Variants in CCDC3 observed in about 807,000 individuals in gnomAD.
The protein encoded by CCDC3 is coiled-coil domain containing 3, also known as coiled-coil domain-containing protein 3.
CCDC3 carries 24 observed loss-of-function variants against 21.4 expected under a neutral mutation model. The observed-to-expected ratio is 1.12, with a 90% confidence interval of 0.81 to 1.58. The LOEUF is 1.58. Ranked by LOEUF, CCDC3 falls within the 40% of genes most tolerant of loss-of-function variation. The probability of loss-of-function intolerance (pLI) is 0.00; values close to 1 mark genes in which losing one functional copy is unlikely to be tolerated. For missense variants in CCDC3, 425 were observed against 360.9 expected, an observed-to-expected ratio of 1.18 and a Z score of -1.44; for synonymous variants, 186 against 166.0, an observed-to-expected ratio of 1.12 and a Z score of -0.93.
chr10:12,973,285 C>A (rs1471550076), intron 2 of CCDC3, among the ~76,000 whole-genome samples: 1 of 152,056 alleles, frequency 6.6e-6, no homozygotes, highest in Non-Finnish European at 1.5e-5. Context: ...GGCCCTGCAC[C>A]CAGCCACGTG....
intron 2 of CCDC3, among the ~76,000 whole-genome samples, chr10:12,935,450 G>T (rs1834721659): frequency 6.6e-6 from 1 of 152,162 alleles, no homozygotes; most frequent in Non-Finnish European, 1.5e-5. Flanking sequence ...AAATTTCAAA[G>T]TGACTATTGG....
intron 2 of CCDC3, among the ~76,000 whole-genome samples, chr10:12,988,750 C>T (rs1359849520): frequency 2.6e-5 from 4 of 152,172 alleles, no homozygotes; most frequent in South Asian, 4.1e-4. Flanking sequence ...CCCACTACCA[C>T]GTAGGTTCAA....
intron 4 of CCDC3, among the ~76,000 whole-genome samples, chr10:13,064,087 C>G (rs571631841): frequency 6.6e-6 from 1 of 152,212 alleles, no homozygotes; most frequent in African/African-American, 2.4e-5. Context: ...ACCACCATGC[C>G]CAGATAATTT....
At chr10:12,967,206 T>C (rs1260448276) in intron 2 of CCDC3, among the ~76,000 whole-genome samples, 2 of 152,204 alleles carry the variant, frequency 1.3e-5, no homozygotes, top group Admixed American at 6.5e-5. Flanking sequence ...CTTCCTATAG[T>C]GAAATGAACC....
chr10:13,086,855 G>C (rs1837118025), intron 3 of CCDC3, among the ~76,000 whole-genome samples: 1 of 152,212 alleles, frequency 6.6e-6, no homozygotes, highest in African/African-American at 2.4e-5. Flanking sequence ...CTGCCACCCA[G>C]AGGTGAGTAA....
chr10:12,994,865 G>A (rs909745031), intron 2 of CCDC3, among the ~76,000 whole-genome samples: 4 of 152,092 alleles, frequency 2.6e-5, no homozygotes, highest in Non-Finnish European at 5.9e-5. Flanking sequence ...TGGATCATCT[G>A]AGGTCAGGAG....
At chr10:12,985,064 TAG>T (rs1564309387) in intron 2 of CCDC3, among the ~76,000 whole-genome samples, 2 of 152,238 alleles carry the variant, frequency 1.3e-5, no homozygotes, top group African/African-American at 4.8e-5. Context: ...TTCATAGCTA[TAG>T]ATTTTTTTTA....
intron 5 of CCDC3, among the ~76,000 whole-genome samples, chr10:13,046,459 C>T (rs181171613): frequency 2.8e-4 from 43 of 151,538 alleles, no homozygotes; most frequent in African/African-American, 9.2e-4. Flanking sequence ...GTAATCCCAG[C>T]ACTTTGGGAG....
At chr10:12,901,733 T>C (rs1834095664) in intron 2 of CCDC3, among the ~76,000 whole-genome samples, 1 of 152,244 alleles carries the variant, frequency 6.6e-6, no homozygotes, top group South Asian at 2.1e-4. Context: ...GCCGTGATTA[T>C]AGGATAGAGT....
chr10:13,078,626 A>C lies in CCDC3; in HGVS notation c.-502-4526T>G, dbSNP rs548523065. ...GAACCAACCCAAATGTCCATCAATGATAGACTGGATTAAGAAAATGTGGCA... is the reference window on the plus strand; with the variant it reads ...GAACCAACCCAAATGTCCATCAATGCTAGACTGGATTAAGAAAATGTGGCA... On this transcript the variant is annotated intron_variant, in intron 3 of 6. Coordinates refer to the CCDC3 transcript ENST00000378839. 1.7e-4 allele frequency among the ~76,000 whole-genome samples: 26 copies of C among 152,312 alleles called. No homozygotes were observed. The East Asian group carries it at 4.8e-3, about 28-fold the overall frequency.
At chr10:13,047,030 G>A (rs1836538524) in intron 5 of CCDC3, among the ~76,000 whole-genome samples, 1 of 152,058 alleles carries the variant, frequency 6.6e-6, no homozygotes, top group African/African-American at 2.4e-5. Flanking sequence ...ATGCACCCTA[G>A]TAAGATGAGA....
At chr10:12,945,667 TTTTC>T (rs1262516281) in intron 2 of CCDC3, among the ~76,000 whole-genome samples, 13 of 152,212 alleles carry the variant, frequency 8.5e-5, no homozygotes, top group Non-Finnish European at 1.3e-4. Flanking sequence ...GGTAAAAGGT[TTTTC>T]TTTACCTTTT....
chr10:13,064,086 C>A (rs551877196), intron 4 of CCDC3, among the ~76,000 whole-genome samples: 15 of 152,236 alleles, frequency 9.9e-5, no homozygotes, highest in African/African-American at 3.4e-4. Context: ...CACCACCATG[C>A]CCAGATAATT....
At chr10:12,982,121 C>CAAAAAAAAAAA (rs71386135) in intron 2 of CCDC3, among the ~76,000 whole-genome samples, 2 of 33,230 alleles carry the variant, frequency 6.0e-5, no homozygotes, top group African/African-American at 2.7e-4. Context: ...GACTCTGTCT[C>CAAAAAAAAAAA]AAAAAAAAAA....
intron 2 of CCDC3, among the ~76,000 whole-genome samples, chr10:12,931,963 A>G (rs1834653431): frequency 6.6e-6 from 1 of 152,232 alleles, no homozygotes; most frequent in African/African-American, 2.4e-5. Flanking sequence ...GCAAAGCTGA[A>G]TGGAAAATGT....
chr10:12,990,056 T>C (rs1474331090), intron 2 of CCDC3, among the ~76,000 whole-genome samples: 2 of 151,876 alleles, frequency 1.3e-5, no homozygotes, highest in Non-Finnish European at 2.9e-5. Flanking sequence ...ATCGAGACCA[T>C]CCTGGCTAAC....
At chr10:12,926,578 G>A (rs1426208769) in intron 2 of CCDC3, among the ~76,000 whole-genome samples, 1 of 152,154 alleles carries the variant, frequency 6.6e-6, no homozygotes, top group East Asian at 1.9e-4. Context: ...TCAATTAAGA[G>A]ATGGGACAAA....
chr10:12,990,649 A>G (rs1405194530), intron 2 of CCDC3, among the ~76,000 whole-genome samples: 1 of 152,180 alleles, frequency 6.6e-6, no homozygotes, highest in Admixed American at 6.5e-5. Flanking sequence ...TGTGAGTTTG[A>G]CAGCTTCCCA....
At chr10:12,998,026 A>G (rs1835789137) in intron 2 of CCDC3, among the ~76,000 whole-genome samples, 1 of 152,214 alleles carries the variant, frequency 6.6e-6, no homozygotes, top group African/African-American at 2.4e-5. Flanking sequence ...CCTGATATAG[A>G]TGCTACTATT....
Sources: allele counts gnomAD v4.1 joint callset (sites outside exome capture counted in the v4.1 genomes callset), GRCh38; gene constraint gnomAD v4.1.1; transcripts MANE v1.5; gene names NCBI Gene and HGNC (gene_info 2026-07-23, HGNC 2026-07-21).